The following NAV3 variants were observed in gnomAD, a reference collection of about 807,000 sequenced individuals.
NAV3 encodes the protein neuron navigator 3, also known as pore membrane and/or filament interacting like protein 1.
In NAV3, 87 loss-of-function variants were observed where a neutral mutation model predicts 244.7. The observed-to-expected ratio is 0.36, with a 90% CI of 0.30 to 0.42. NAV3 has a LOEUF of 0.42. Among genes scored for constraint, NAV3 ranks in the 20% least tolerant of loss-of-function variants. The pLI is 1.00. For synonymous variants in NAV3, 1,126 were observed against 1,042.2 expected, an observed-to-expected ratio of 1.08 and a Z score of -1.55; for missense variants, 2,663 against 2,893.3, an observed-to-expected ratio of 0.92 and a Z score of 1.83.
chr12:77,829,020 G>T (rs1873314387), upstream of NAV3, among the ~76,000 whole-genome samples: 1 of 152,192 alleles, frequency 6.6e-6, no homozygotes, highest in South Asian at 2.1e-4. Context: ...CCTTGGGTGG[G>T]CAAAGAAGCC....
intron 23 of NAV3, among the ~76,000 whole-genome samples, chr12:78,164,569 C>T (rs988854469): frequency 6.6e-6 from 1 of 152,072 alleles, no homozygotes; most frequent in African/African-American, 2.4e-5. Flanking sequence ...TCAGATGATG[C>T]ATCCATTAAT....
At chr12:77,587,346 A>G (rs1201721481) in intron 2 of NAV3, among the ~76,000 whole-genome samples, 1 of 152,196 alleles carries the variant, frequency 6.6e-6, no homozygotes, top group Non-Finnish European at 1.5e-5. Flanking sequence ...ACTTACAAAA[A>G]TACATGCATA....
At chr12:77,802,554 C>A (rs960901769) in intron 2 of NAV3, among the ~76,000 whole-genome samples, 1 of 152,278 alleles carries the variant, frequency 6.6e-6, no homozygotes, top group South Asian at 2.1e-4. Flanking sequence ...CAGAGAGATT[C>A]GAGTAATTAT....
At chr12:77,786,720 G>T (rs904913246) in intron 2 of NAV3, among the ~76,000 whole-genome samples, 5 of 152,004 alleles carry the variant, frequency 3.3e-5, no homozygotes, top group Non-Finnish European at 5.9e-5. Flanking sequence ...GTTTTAAATC[G>T]CCCTCTTTTC....
At chr12:77,712,307 C>T (rs1337462656) in intron 2 of NAV3, among the ~76,000 whole-genome samples, 1 of 152,136 alleles carries the variant, frequency 6.6e-6, no homozygotes, top group African/African-American at 2.4e-5. Flanking sequence ...GGATATCATT[C>T]TATATTTATT....
At chr12:78,191,562 A>G (rs1033453695) in intron 34 of NAV3, among the ~76,000 whole-genome samples, 10 of 152,190 alleles carry the variant, frequency 6.6e-5, no homozygotes, top group Non-Finnish European at 1.3e-4. Flanking sequence ...AATGCAATAC[A>G]TAAATTCTGA....
At chr12:77,926,488 A>T (rs896239034) in intron 1 of NAV3, among the ~76,000 whole-genome samples, 1 of 152,158 alleles carries the variant, frequency 6.6e-6, no homozygotes, top group African/African-American at 2.4e-5. Flanking sequence ...ACATAGATAG[A>T]TACATAGATA....
chr12:78,167,451 G>A (rs1442853789), intron 23 of NAV3, among the ~76,000 whole-genome samples: 2 of 151,138 alleles, frequency 1.3e-5, no homozygotes, highest in Non-Finnish European at 1.5e-5. Flanking sequence ...GGTATCCGAT[G>A]AAAATAGATA....
At chr12:78,150,629 CCTCACACACA>C (rs1175352246) in intron 22 of NAV3, among the ~76,000 whole-genome samples, 20 of 122,532 alleles carry the variant, frequency 1.6e-4, no homozygotes, top group Admixed American at 7.8e-4. Context: ...GCAAAAGCTT[CCTCACACACA>C]CACACACACA....
intron 2 of NAV3, among the ~76,000 whole-genome samples, chr12:77,823,557 C>A (rs1308462398): frequency 6.6e-6 from 1 of 152,184 alleles, no homozygotes; most frequent in Non-Finnish European, 1.5e-5. Context: ...TATTTCTTTA[C>A]AAATGGTGCA....
chr12:77,613,774 T>C (rs1029236781), intron 2 of NAV3, among the ~76,000 whole-genome samples: 1 of 152,192 alleles, frequency 6.6e-6, no homozygotes, highest in African/African-American at 2.4e-5. Flanking sequence ...TACTGAAGTT[T>C]TGTAACTTCC....
chr12:77,618,847 C>A (rs1186418167), intron 2 of NAV3, among the ~76,000 whole-genome samples: 1 of 152,194 alleles, frequency 6.6e-6, no homozygotes, highest in Non-Finnish European at 1.5e-5. Flanking sequence ...ATTAAAAGCA[C>A]ACAGAATCTA....
At chr12:77,599,852 A>G (rs886410049) in intron 2 of NAV3, among the ~76,000 whole-genome samples, 1 of 151,982 alleles carries the variant, frequency 6.6e-6, no homozygotes, top group Non-Finnish European at 1.5e-5. Flanking sequence ...GTTTATGGGA[A>G]GTCAAACACA....
intron 2 of NAV3, among the ~76,000 whole-genome samples, chr12:77,605,465 G>C (rs1432966688): frequency 2.0e-5 from 3 of 152,014 alleles, no homozygotes; most frequent in Non-Finnish European, 4.4e-5. Context: ...AGTTGTATTT[G>C]TTCAAACCCA....
chr12:77,761,533 C>T (rs769534312), intron 2 of NAV3, among the ~76,000 whole-genome samples: 1 of 151,992 alleles, frequency 6.6e-6, no homozygotes, highest in Admixed American at 6.5e-5. Flanking sequence ...ATCCATCTGA[C>T]AAAGGATAAT....
chr12:77,573,333 G>A (rs17188201), intron 2 of NAV3, among the ~76,000 whole-genome samples: 23,628 of 152,066 alleles, frequency 0.16, 2,308 homozygotes, highest in Admixed American at 0.23. Context: ...AATGCAACTG[G>A]CATGGGGCTA....
At chr12:77,951,722 T>A (rs11107527) in intron 3 of NAV3, among the ~76,000 whole-genome samples, 18,216 of 152,064 alleles carry the variant, frequency 0.12, 1,209 homozygotes, top group South Asian at 0.2. Context: ...ATATACACCA[T>A]GGAATACTAT....
intron 38 of NAV3, among the ~76,000 whole-genome samples, chr12:78,204,223 G>C (rs1336404611): frequency 6.6e-6 from 1 of 151,262 alleles, no homozygotes; most frequent in East Asian, 2.0e-4. Flanking sequence ...GCGGAGGGGG[G>C]AGGGATAGCA....
At chr12:77,750,507 C>T (rs1038610145) in intron 2 of NAV3, among the ~76,000 whole-genome samples, 2 of 151,500 alleles carry the variant, frequency 1.3e-5, no homozygotes, top group Admixed American at 1.3e-4. Context: ...ATAGCCATTG[C>T]ACTCCAACCT....
Sources: allele counts gnomAD v4.1 joint callset (sites outside exome capture counted in the v4.1 genomes callset), GRCh38; gene constraint gnomAD v4.1.1; transcripts MANE v1.5; gene names NCBI Gene and HGNC (gene_info 2026-07-23, HGNC 2026-07-21).